CYLD: variants seen among roughly 807,000 people sequenced by gnomAD.
The protein encoded by CYLD is CYLD lysine 63 deubiquitinase, also known as ubiquitin carboxyl-terminal hydrolase CYLD.
In CYLD, 26 loss-of-function variants were observed where a neutral mutation model predicts 104.5. The ratio of observed to expected loss-of-function variants is 0.25; its 90% CI spans 0.18 to 0.35. The LOEUF is 0.35. Among genes scored for constraint, CYLD ranks in the 10% least tolerant of loss-of-function variants. CYLD has a pLI of 1.00. For missense variants in CYLD, 703 were observed against 1,136.1 expected (o/e 0.62, Z 5.48); for synonymous variants, 385 against 399.9 (o/e 0.96, Z 0.45).
rs2151035551 is a variant in CYLD at position 50,793,535 on chromosome 16, T to C, written c.2351-11T>C. 1 of 1,567,700 alleles carries C rather than the reference T, an allele frequency of 6.4e-7. No homozygotes were observed. The highest frequency in any genetic ancestry group is 8.8e-7 in the Non-Finnish European group (1 of 1,137,714). On this transcript the variant is annotated splice_polypyrimidine_tract_variant and intron_variant, in intron 16 of 18. Transcript: ENST00000427738. Reference sequence around the variant, plus strand: ...GTCCTCTTAACTTCCCTTCCCCTTCTCACATTTCAGCTCCCAGACAGTGCC... The same window carrying C: ...GTCCTCTTAACTTCCCTTCCCCTTCCCACATTTCAGCTCCCAGACAGTGCC...
chr16:50,781,200 C>T lies in CYLD; in HGVS notation c.1519-46C>T, dbSNP rs938068343. 4 of 1,608,230 alleles carry T rather than the reference C, an allele frequency of 2.5e-6. No homozygotes were observed. The African/African-American group carries it at 5.3e-5, about 22-fold the overall frequency. On this transcript the variant is annotated intron_variant, in intron 9 of 18. Transcript: ENST00000427738. The stretch of plus-strand genomic sequence containing the variant: ...GAAACCTTAGTTCTTTGTATACTAT[C>T]TCTGTAAGGCACGGTATAATGCATA...
chr16:50,766,618 A>G (rs1297435893), intron 5 of CYLD, among the ~76,000 whole-genome samples: 1 of 152,244 alleles, frequency 6.6e-6, no homozygotes, highest in Non-Finnish European at 1.5e-5. Flanking sequence ...AGGATTCACC[A>G]TTCTAGATGC....
At chr16:50,777,124 G>A (rs1969769879) in intron 7 of CYLD, among the ~76,000 whole-genome samples, 4 of 152,114 alleles carry the variant, frequency 2.6e-5, no homozygotes, top group African/African-American at 9.7e-5. Flanking sequence ...GTTATAAAAT[G>A]TACAGCTACC....
At chr16:50,758,940 A>T (rs117104020) in intron 5 of CYLD, among the ~76,000 whole-genome samples, 1 of 152,202 alleles carries the variant, frequency 6.6e-6, no homozygotes, top group Non-Finnish European at 1.5e-5. Flanking sequence ...CATCATTTTC[A>T]TATTTAAGAA....
chr16:50,774,707 C>T (rs528217001), intron 5 of CYLD, among the ~76,000 whole-genome samples: 4 of 152,236 alleles, frequency 2.6e-5, no homozygotes, highest in Admixed American at 6.5e-5. Context: ...TGCAAGATTT[C>T]GTTATAATAC....
intron 10 of CYLD, 111 bp from the exon 11 acceptor site, chr16:50,782,214 T>G (rs1970288410): frequency 2.3e-6 from 2 of 884,900 alleles, no homozygotes; most frequent in African/African-American, 1.7e-5. Context: ...AGAAAAAATT[T>G]TGCATCAAAA....
In CYLD at chr16:50,780,004, A is replaced by G. The variant is rs1289303206; in HGVS notation, c.1478A>G (p.Gln493Arg). The G allele has an allele frequency of 1.2e-6, 2 of 1,614,182 alleles. No homozygotes were observed. Among genetic ancestry groups the G allele is most frequent in the Non-Finnish European group, 8.5e-7 (1 of 1,180,000 alleles). ...TATGGGGTAATCCGTTGGATCGGTC[A>G]GCCACCAGGACTGAATGAAGTGCTC... Reference protein sequence around the residue: ...PFYGVIRWIGQPPGLNEVLAG... With the variant: ...PFYGVIRWIGRPPGLNEVLAG... Residue 493 changes from glutamine to arginine, a missense_variant, in exon 9 of 19, where the codon CAG becomes CGG. Around this residue, in one of 5 missense-constraint regions of CYLD, gnomAD observed 183 missense variants for 212.1 expected, o/e 0.86. Coordinates refer to ENST00000427738, the MANE Select transcript of CYLD (RefSeq NM_001378743.1).
rs572929759 is a variant in CYLD, at chr16:50,801,594, A to G, written c.*5086A>G. 2.0e-4 allele frequency: 46 copies of G among 233,772 alleles called. No individual in the cohort carries two copies. In the East Asian group the frequency reaches 2.7e-3, roughly 14 times the overall value. The allele number at this position is 233,772 out of a possible 1,614,324, so 14.5% of individuals were successfully genotyped here. On this transcript the variant is annotated 3_prime_UTR_variant, in exon 19 of 19. Transcript: ENST00000427738. The stretch of plus-strand genomic sequence containing the variant: ...AATTTTAATTTTAGAAAGTCTTAGC[A>G]TCAGATCATAAACATTCATTAAAAG...
intron 5 of CYLD, among the ~76,000 whole-genome samples, chr16:50,767,429 A>G (rs992326297): frequency 6.6e-6 from 1 of 150,926 alleles, no homozygotes; most frequent in Non-Finnish European, 1.5e-5. Flanking sequence ...AACCTACAAT[A>G]TCTCCAGGGT....
At chr16:50,791,233 G>T (rs534951960) in intron 14 of CYLD, among the ~76,000 whole-genome samples, 1 of 152,208 alleles carries the variant, frequency 6.6e-6, no homozygotes, top group East Asian at 1.9e-4. Context: ...CAGTGAAGTT[G>T]CACTAAGTGA....
chr16:50,775,811 G>T (rs1205363268), intron 6 of CYLD, among the ~76,000 whole-genome samples: 2 of 152,114 alleles, frequency 1.3e-5, no homozygotes, highest in Non-Finnish European at 2.9e-5. Flanking sequence ...TAATACACAG[G>T]GGTGTTCTAA....
chr16:50,792,211 C>T (rs1313328971), intron 15 of CYLD, among the ~76,000 whole-genome samples: 4 of 152,176 alleles, frequency 2.6e-5, no homozygotes, highest in African/African-American at 9.7e-5. Context: ...AAAACCTTAA[C>T]AGCCACAGTT....
rs1220419668 is a variant in CYLD at position 50,779,805 on chromosome 16, C to T, written c.1279C>T (p.Pro427Ser). The T allele has an allele frequency of 6.2e-7, 1 of 1,613,854 alleles. No homozygotes were observed. The highest frequency in any genetic ancestry group is 8.5e-7 in the Non-Finnish European group (1 of 1,179,968). Reference sequence around the variant, plus strand: ...TTTACCATTCAGTCTCACCAAGATGCCCAATACCAATGGAAGTATTGGCCA... The same window carrying T: ...TTTACCATTCAGTCTCACCAAGATGTCCAATACCAATGGAAGTATTGGCCA... ...HSLPFSLTKM[P>S]NTNGSIGHSP... Residue 427 changes from proline to serine, a missense_variant, in exon 9 of 19, where the codon CCC becomes TCC. Physicochemically the swap from Pro to Ser is moderately conservative, Grantham distance 74. This residue lies in a region of CYLD where 183 missense variants were observed against 212.1 expected (regional missense o/e 0.86). Transcript: ENST00000427738.
In CYLD at chr16:50,749,684, G is replaced by GTT. The variant is rs1567420097; in HGVS notation, c.-15_-14insTT. ...TTTCCCTTTTTTGAATTAGTATTTTGAAGTTAATATCACAATGAGTTCAGG... is the reference window on the plus strand; with the variant it reads ...TTTCCCTTTTTTGAATTAGTATTTTGTTAAGTTAATATCACAATGAGTTCAGG... On this transcript the variant is annotated 5_prime_UTR_variant, in exon 3 of 19. Transcript: ENST00000427738. The GTT allele has an allele frequency of 2.5e-6, 4 of 1,612,422 alleles. No homozygotes were observed. The highest frequency in any genetic ancestry group is 3.4e-6 in the Non-Finnish European group (4 of 1,179,508).
chr16:50,791,453 A>G, intron 14 of CYLD, 105 bp from the exon 15 acceptor site: 2 of 1,216,852 alleles, frequency 1.6e-6, no homozygotes, highest in Non-Finnish European at 2.4e-6. Context: ...TACACCATCA[A>G]TTTTATGGTT....
chr16:50,788,875 A>AT (rs960110510), intron 14 of CYLD, among the ~76,000 whole-genome samples: 50 of 152,076 alleles, frequency 3.3e-4, no homozygotes, highest in African/African-American at 1.1e-3. Flanking sequence ...ATTGAGATAG[A>AT]TTTTTTTTAA....
At chr16:50,765,165 G>C (rs1174297845) in intron 5 of CYLD, among the ~76,000 whole-genome samples, 1 of 152,088 alleles carries the variant, frequency 6.6e-6, no homozygotes, top group African/African-American at 2.4e-5. Context: ...TTGAAGGTTT[G>C]TGGCAATTCT....
intron 13 of CYLD, 122 bp from the exon 14 acceptor site, chr16:50,787,664 A>T (rs1317527857): frequency 5.0e-6 from 3 of 603,148 alleles, no homozygotes; most frequent in Non-Finnish European, 8.9e-6. Flanking sequence ...TGTGCTTTTA[A>T]TTGAAATAAT....
At position 50,786,855 on chromosome 16, in the gene CYLD, A is replaced by G. The variant is rs1970891752; in HGVS notation, c.1950A>G (p.Ile650Met). The G allele has an allele frequency of 6.2e-7, 1 of 1,602,074 alleles. No homozygotes were observed. Residue 650 changes from isoleucine (I) to methionine (M), a missense_variant and splice_region_variant, in exon 13 of 19, where the codon ATA (isoleucine) becomes ATG (methionine). Physicochemically the swap from Ile to Met is conservative, Grantham distance 10. This residue lies in a region of CYLD where 125 missense variants were observed against 325.4 expected (regional missense o/e 0.38). Transcript: ENST00000427738. ...LRTEIVNPLR[I>M]YGYVCATKIM... Reference sequence around the variant, plus strand: ...AATTAATAGTTTTTTACTAACTTAGATATGGATATGTGTGTGCCACAAAAA... The same window carrying G: ...AATTAATAGTTTTTTACTAACTTAGGTATGGATATGTGTGTGCCACAAAAA...
Sources: gnomAD v4.1 joint callset for allele counts (sites outside exome capture counted in the v4.1 genomes callset) on GRCh38, gnomAD v4.1.1 for gene constraint, gnomAD v4.1.1 regional missense constraint, MANE v1.5 for transcripts, NCBI Gene and HGNC (gene_info 2026-07-23, HGNC 2026-07-21) for gene names.